The following HADH variants were observed in gnomAD, a reference collection of about 807,000 sequenced individuals.
The protein encoded by HADH is hydroxyacyl-CoA dehydrogenase.
HADH carries 24 observed loss-of-function variants against 32.2 expected under a neutral mutation model. That is an observed-to-expected ratio of 0.75 (90% CI 0.54 to 1.05). The LOEUF is 1.05. HADH is among the 50% of genes least tolerant of loss of function. HADH has a pLI of 0.00. For synonymous variants in HADH, 139 were observed against 152.5 expected (o/e 0.91, Z 0.65); for missense variants, 350 against 397.1 (o/e 0.88, Z 1.01).
At chr4:108,018,786 G>A (rs1735782239) in intron 3 of HADH, among the ~76,000 whole-genome samples, 1 of 152,164 alleles carries the variant, frequency 6.6e-6, no homozygotes, top group South Asian at 2.1e-4. Flanking sequence ...GGCGCTGCAG[G>A]AAAGCCTGGA....
At chr4:107,997,528 A>G (rs1708235078) in intron 1 of HADH, among the ~76,000 whole-genome samples, 1 of 152,120 alleles carries the variant, frequency 6.6e-6, no homozygotes, top group African/African-American at 2.4e-5. Context: ...GGCTTTGACA[A>G]ATGTGCTAGT....
At chr4:108,007,017 C>T (rs530949700) in intron 1 of HADH, among the ~76,000 whole-genome samples, 6 of 152,268 alleles carry the variant, frequency 3.9e-5, no homozygotes, top group Admixed American at 6.5e-5. Flanking sequence ...ATTATGAACC[C>T]GGCACATAGT....
chr4:107,998,752 CA>C (rs1430089929), intron 1 of HADH, among the ~76,000 whole-genome samples: 1 of 151,960 alleles, frequency 6.6e-6, no homozygotes, highest in East Asian at 1.9e-4. Context: ...TAGTAATAGC[CA>C]TCCTAATGGG....
chr4:108,033,360 T>C, intron 7 of HADH, 68 bp downstream of exon 7: 1 of 877,142 alleles, frequency 1.1e-6, no homozygotes, highest in South Asian at 1.3e-5. Context: ...TATAATGCCT[T>C]TTTAAAAAAA....
chr4:108,033,018 C>T (rs762593843), intron 6 of HADH, 158 bp from the exon 7 acceptor site: 37 of 713,388 alleles, frequency 5.2e-5, no homozygotes, highest in South Asian at 2.1e-4. Context: ...TTGGCATGTA[C>T]TTTAGAGAGG....
chr4:108,022,795 C>A (rs892771849), intron 4 of HADH, among the ~76,000 whole-genome samples: 1 of 152,180 alleles, frequency 6.6e-6, no homozygotes, highest in African/African-American at 2.4e-5. Flanking sequence ...CTCACCTCAA[C>A]TTCCTGAGGT....
intron 1 of HADH, chr4:108,004,776 G>A: frequency 2.0e-6 from 3 of 1,535,916 alleles, no homozygotes; most frequent in Non-Finnish European, 1.7e-6. Context: ...TGAAGAACAT[G>A]TGTAGGACAG....
intron 1 of HADH, among the ~76,000 whole-genome samples, chr4:108,002,939 G>A (rs996738478): frequency 2.0e-5 from 3 of 152,130 alleles, no homozygotes; most frequent in African/African-American, 7.2e-5. Context: ...GCCTGGCACT[G>A]GTCTAAGCAT....
chr4:107,995,889 C>A (rs1734940572), intron 1 of HADH, among the ~76,000 whole-genome samples: 1 of 152,150 alleles, frequency 6.6e-6, no homozygotes, highest in Non-Finnish European at 1.5e-5. Flanking sequence ...TGGCTCTGGA[C>A]TCAAAGTTAG....
intron 5 of HADH, 160 bp downstream of exon 5, chr4:108,023,723 A>G (rs1016682077): frequency 1.6e-5 from 11 of 670,470 alleles, no homozygotes; most frequent in Non-Finnish European, 3.0e-5. Flanking sequence ...CTCCTGTTCT[A>G]GTTTGTAGAC....
At chr4:108,017,817 G>A (rs1254411387) in intron 3 of HADH, among the ~76,000 whole-genome samples, 2 of 152,104 alleles carry the variant, frequency 1.3e-5, no homozygotes, top group African/African-American at 4.8e-5. Context: ...CTAAAGTGCT[G>A]GTATTACAAG....
chr4:108,002,158 C>T (rs1194239273), intron 1 of HADH, among the ~76,000 whole-genome samples: 1 of 152,192 alleles, frequency 6.6e-6, no homozygotes, highest in Admixed American at 6.5e-5. Flanking sequence ...TCGTCCCCTC[C>T]AGAGCAGGGG....
intron 1 of HADH, among the ~76,000 whole-genome samples, chr4:108,007,501 A>C (rs779859869): frequency 6.6e-6 from 1 of 152,212 alleles, no homozygotes; most frequent in Non-Finnish European, 1.5e-5. Context: ...CAAGTGTACT[A>C]ATAATTCAGA....
Position 108,010,873 on chromosome 4 carries a change from GAC to G in HADH, c.261+988_261+989del, listed in dbSNP as rs369467441. On this transcript the variant is annotated intron_variant, in intron 2 of 7. Coordinates refer to ENST00000309522, the MANE Select transcript of HADH (RefSeq NM_005327.7). ...TCTTTTTTTTTTTTTTTTTTTCTGAGACAGAGTCTCACTCTGTCACCAGGCTG... is the reference window on the plus strand; with the variant it reads ...TCTTTTTTTTTTTTTTTTTTTCTGAGAGAGTCTCACTCTGTCACCAGGCTG... Among the ~76,000 whole-genome samples, 47 of 131,840 alleles carry G rather than the reference GAC, an allele frequency of 3.6e-4. No homozygotes were observed. In the East Asian group the frequency reaches 1.0e-2, roughly 28 times the overall value. The allele number at this position is 131,840 out of a possible 152,430, so 86.5% of individuals were successfully genotyped here.
Position 108,019,545 on chromosome 4 carries a change from C to T in HADH, c.425C>T (p.Thr142Ile). The T allele has an allele frequency of 6.2e-7, 1 of 1,613,650 alleles. No individual in the cohort carries two copies. The highest frequency in any genetic ancestry group is 2.2e-5 in the East Asian group (1 of 44,878). The change falls in exon 4 of 8, where the codon ACA becomes ATA. Residue 142 changes from threonine (T) to isoleucine (I), a missense_variant. Physicochemically the swap from Thr to Ile is moderately conservative, Grantham distance 89. Coordinates refer to ENST00000309522, the MANE Select transcript of HADH (RefSeq NM_005327.7). ...KRLDKFAAEH[T>I]IFASNTSSLQ... ...ACTATATTTTCTCTTCACAGACATACAATCTTTGCCAGCAACACTTCCTCC... is the reference window on the plus strand; with the variant it reads ...ACTATATTTTCTCTTCACAGACATATAATCTTTGCCAGCAACACTTCCTCC...
rs572909989 is a variant in HADH, at chr4:108,019,794, C to T, written c.546+128C>T. The T allele has an allele frequency of 8.0e-5, 82 of 1,027,888 alleles. No individual in the cohort carries two copies. The African/African-American group carries it at 1.1e-3, about 13-fold the overall frequency. The allele number at this position is 1,027,888 out of a possible 1,614,324, so 63.7% of individuals were successfully genotyped here. On this transcript the variant is annotated intron_variant, in intron 4 of 7. Transcript: ENST00000309522. ...TTTAACCTGAGGGTAGAAGGTTGTC[C>T]CTGAGCCTCATATCTAGGAGGGCTT...
At chr4:108,022,165 A>ATG (rs771719177) in intron 4 of HADH, among the ~76,000 whole-genome samples, 10,920 of 120,894 alleles carry the variant, frequency 0.09, 449 homozygotes, top group African/African-American at 0.11. Context: ...TTACATATAT[A>ATG]TATGTGTGTG....
At chr4:108,000,098 G>T (rs1428457312) in intron 1 of HADH, among the ~76,000 whole-genome samples, 1 of 152,186 alleles carries the variant, frequency 6.6e-6, no homozygotes, top group Admixed American at 6.5e-5. Flanking sequence ...GGTAACAGCA[G>T]CTTGACAACC....
chr4:107,997,947 A>G (rs1735005075), intron 1 of HADH, among the ~76,000 whole-genome samples: 1 of 152,178 alleles, frequency 6.6e-6, no homozygotes, highest in African/African-American at 2.4e-5. Flanking sequence ...GTTTCTCTGT[A>G]GTTATTTTCT....
Sources: allele counts gnomAD v4.1 joint callset (sites outside exome capture counted in the v4.1 genomes callset), GRCh38; gene constraint gnomAD v4.1.1; transcripts MANE v1.5; gene names NCBI Gene and HGNC (gene_info 2026-07-23, HGNC 2026-07-21).